The following PI15 variants were observed in gnomAD, a reference collection of about 807,000 sequenced individuals.
PI15 encodes the protein 25 kDa trypsin inhibitor.
In PI15, 18 loss-of-function variants were observed where a neutral mutation model predicts 31.0. That is an observed-to-expected ratio of 0.58 (90% CI 0.40 to 0.86). The LOEUF (loss-of-function observed/expected upper bound fraction) is 0.86, where lower values mean the gene tolerates loss of function less well. Among genes scored for constraint, PI15 ranks in the 40% least tolerant of loss-of-function variants. The probability of loss-of-function intolerance (pLI) is 0.00; values close to 1 mark genes in which losing one functional copy is unlikely to be tolerated. For synonymous variants in PI15, 118 were observed against 119.1 expected (o/e 0.99, Z 0.06); for missense variants, 282 against 328.1 (o/e 0.86, Z 1.09).
rs972721752 is a variant in PI15, at chr8:74,852,153, G to A, written c.*2900G>A. 3 of 151,972 alleles carry A rather than the reference G, an allele frequency of 2.0e-5. No homozygotes were observed. Among genetic ancestry groups the A allele is most frequent in the Admixed American group, 6.6e-5 (1 of 15,218 alleles). 9.4% of individuals were successfully genotyped at this position (151,972 alleles called of 1,614,324 possible). On this transcript the variant is annotated 3_prime_UTR_variant, in exon 6 of 6. Coordinates refer to ENST00000260113, the MANE Select transcript of PI15 (RefSeq NM_015886.5). ...GCAGCTTTAAATTGTCAGTATTAAG[G>A]TTTTCATGTGGAAAGGTGTCATTCA...
chr8:74,848,726 T>G (rs1472935812), intron 5 of PI15, among the ~76,000 whole-genome samples: 1,615 of 142,772 alleles, frequency 0.011, 21 homozygotes, highest in African/African-American at 0.039. Flanking sequence ...TATATATATA[T>G]ATATATAGAG....
At chr8:74,831,109 AC>A (rs1434248119) in intron 2 of PI15, among the ~76,000 whole-genome samples, 1 of 152,138 alleles carries the variant, frequency 6.6e-6, no homozygotes, top group Admixed American at 6.5e-5. Context: ...CGCTCTCCCC[AC>A]AGGGAGCCAG....
chr8:74,826,413 G>T (rs574132489), intron 2 of PI15: 8 of 288,794 alleles, frequency 2.8e-5, no homozygotes, highest in African/African-American at 6.8e-5. Context: ...TAAAATTTGG[G>T]ATTTTTATCA....
chr8:74,828,276 T>C (rs1048703651), intron 2 of PI15, among the ~76,000 whole-genome samples: 3 of 152,070 alleles, frequency 2.0e-5, no homozygotes, highest in Non-Finnish European at 2.9e-5. Context: ...AGTGAGCCAC[T>C]CTCAAAGGTG....
chr8:74,828,754 C>T (rs984431316), intron 2 of PI15, among the ~76,000 whole-genome samples: 1 of 152,086 alleles, frequency 6.6e-6, no homozygotes, highest in African/African-American at 2.4e-5. Context: ...GGGAACTTAA[C>T]AGAAGATGGT....
chr8:74,849,015 G>T (rs1192405502), intron 5 of PI15, 103 bp from the exon 6 acceptor site: 18 of 923,702 alleles, frequency 1.9e-5, no homozygotes, highest in Non-Finnish European at 2.8e-5. Flanking sequence ...TTCTCAAACG[G>T]ATCATCACAT....
chr8:74,836,918 G>T (rs747318109), intron 2 of PI15, among the ~76,000 whole-genome samples: 28 of 152,132 alleles, frequency 1.8e-4, no homozygotes, highest in Non-Finnish European at 3.7e-4. Context: ...AAGGAATTTT[G>T]TTGTAAAAGA....
intron 2 of PI15, among the ~76,000 whole-genome samples, chr8:74,839,515 G>A (rs544092147): frequency 1.3e-5 from 2 of 152,074 alleles, no homozygotes; most frequent in South Asian, 2.1e-4. Flanking sequence ...GTAAATATTT[G>A]TGCATATTTA....
At chr8:74,838,936 TAGAA>T (rs537588203) in intron 2 of PI15, among the ~76,000 whole-genome samples, 58 of 152,316 alleles carry the variant, frequency 3.8e-4, no homozygotes, top group African/African-American at 1.3e-3. Flanking sequence ...TCCCAAAACT[TAGAA>T]AGACAGTTGA....
chr8:74,834,343 C>G (rs898406452), intron 2 of PI15, among the ~76,000 whole-genome samples: 2 of 152,040 alleles, frequency 1.3e-5, no homozygotes, highest in Non-Finnish European at 1.5e-5. Flanking sequence ...ATTATTTATA[C>G]CCTTGGAAAT....
intron 5 of PI15, 138 bp downstream of exon 5, chr8:74,845,635 A>G: frequency 1.6e-6 from 1 of 611,350 alleles, no homozygotes. Flanking sequence ...CATCCTTCCA[A>G]TATTTCTGAA....
At position 74,849,359 on chromosome 8, in the gene PI15, C is replaced by T. The variant is rs1015447145; in HGVS notation, c.*106C>T. On this transcript the variant is annotated 3_prime_UTR_variant, in exon 6 of 6. Coordinates refer to ENST00000260113, the MANE Select transcript of PI15 (RefSeq NM_015886.5). ...CATATTATACATATTTTGTGCTAATCTTGTTTTCCTCTTAGTATTCCTTTG... is the reference window on the plus strand; with the variant it reads ...CATATTATACATATTTTGTGCTAATTTTGTTTTCCTCTTAGTATTCCTTTG... 6.2e-6 allele frequency: 5 copies of T among 800,400 alleles called. No individual in the cohort carries two copies. The East Asian group carries it at 1.4e-4, about 22-fold the overall frequency. The allele number at this position is 800,400 out of a possible 1,614,324, so 49.6% of individuals were successfully genotyped here. A position where few individuals can be genotyped will look rare whatever the true frequency, so the allele number is the denominator to read the frequency against.
intron 5 of PI15, 99 bp downstream of exon 5, chr8:74,845,596 C>T (rs945578089): frequency 8.3e-6 from 6 of 724,848 alleles, no homozygotes; most frequent in Non-Finnish European, 1.5e-5. Context: ...TAAGGCTTAG[C>T]TATAATGGCC....
intron 2 of PI15, among the ~76,000 whole-genome samples, chr8:74,843,706 A>C (rs1810978366): frequency 6.6e-6 from 1 of 152,138 alleles, no homozygotes; most frequent in African/African-American, 2.4e-5. Flanking sequence ...ACTACGAAAA[A>C]TACAAAAATT....
intron 2 of PI15, among the ~76,000 whole-genome samples, chr8:74,831,730 G>A (rs538073088): frequency 6.6e-6 from 1 of 152,182 alleles, no homozygotes; most frequent in East Asian, 1.9e-4. Flanking sequence ...GGGTAAGAAG[G>A]TAGGGAAGGC....
In PI15 at chr8:74,851,526, T is replaced by C. The variant is rs994344119; in HGVS notation, c.*2273T>C. On this transcript the variant is annotated 3_prime_UTR_variant, in exon 6 of 6. Transcript: ENST00000260113. ...AAATTTATGAATATTAAAATTATCA[T>C]TAATAATATAAAACACTTATTTGAG... 7 of 152,022 alleles carry C rather than the reference T, an allele frequency of 4.6e-5. No homozygotes were observed. The highest frequency in any genetic ancestry group is 1.7e-4 in the African/African-American group (7 of 41,448). The allele number at this position is 152,022 out of a possible 1,614,324, so 9.4% of individuals were successfully genotyped here.
intron 2 of PI15, among the ~76,000 whole-genome samples, chr8:74,835,184 T>G (rs1461563808): frequency 6.6e-6 from 1 of 152,040 alleles, no homozygotes; most frequent in Non-Finnish European, 1.5e-5. Context: ...CCTTCAAATC[T>G]TACTTTAGAA....
intron 5 of PI15, among the ~76,000 whole-genome samples, chr8:74,848,740 G>T (rs1193794560): frequency 1.4e-5 from 2 of 147,340 alleles, no homozygotes; most frequent in African/African-American, 2.5e-5. Flanking sequence ...TATAGAGAGA[G>T]AGAGAGAGAG....
chr8:74,846,840 T>C (rs1047726532), intron 5 of PI15, among the ~76,000 whole-genome samples: 1 of 151,032 alleles, frequency 6.6e-6, no homozygotes, highest in Non-Finnish European at 1.5e-5. Flanking sequence ...GGGAAAGAGA[T>C]AAGTGAAAGA....
Sources: allele counts gnomAD v4.1 joint callset (sites outside exome capture counted in the v4.1 genomes callset), GRCh38; gene constraint gnomAD v4.1.1; transcripts MANE v1.5; gene names NCBI Gene and HGNC (gene_info 2026-07-23, HGNC 2026-07-21).